LGSN: variants seen among roughly 807,000 people sequenced by gnomAD.
LGSN encodes the protein lengsin.
Under a neutral mutation model 19.5 loss-of-function variants are expected in LGSN, and 21 were observed. The ratio of observed to expected loss-of-function variants is 1.07; its 90% CI spans 0.76 to 1.55. LGSN has a LOEUF of 1.55. LGSN is among the 40% of genes most tolerant of loss of function. The pLI, the probability that LGSN is intolerant of heterozygous loss-of-function variation, is 0.00. For missense variants in LGSN, 673 were observed against 608.5 expected (o/e 1.11, Z -1.12); for synonymous variants, 257 against 215.6 (o/e 1.19, Z -1.68).
chr6:63,544,684 C>A, the LGSN span, among the ~76,000 whole-genome samples: 6 of 151,986 alleles, frequency 3.9e-5, no homozygotes, highest in African/African-American at 1.2e-4. Flanking sequence ...CCAATTATAC[C>A]AAGAATGTTT....
In LGSN at chr6:63,315,736, C is replaced by T. The variant is rs190283307; in HGVS notation, c.30+4178G>A. On this transcript the variant is annotated intron_variant, in intron 1 of 3. Coordinates refer to ENST00000370657, the MANE Select transcript of LGSN (RefSeq NM_016571.3). ...GAGGCAACTGAGGATCTGATAAATG[C>T]AGCAACTTGACTGGCTTCATAGCTA... 2.0e-4 allele frequency among the ~76,000 whole-genome samples: 30 copies of T among 150,706 alleles called. No homozygotes were observed. In the East Asian group the frequency reaches 5.3e-3, roughly 26 times the overall value.
the LGSN span, among the ~76,000 whole-genome samples, chr6:63,546,617 A>G: frequency 3.3e-5 from 5 of 152,298 alleles, no homozygotes; most frequent in East Asian, 9.7e-4. Context: ...GAGGCAGAAT[A>G]AACGCTCAAA....
the LGSN span, among the ~76,000 whole-genome samples, chr6:63,560,371 G>A: frequency 5.6e-5 from 8 of 142,052 alleles, no homozygotes; most frequent in African/African-American, 7.8e-5. Flanking sequence ...AGAAAGAAAA[G>A]AAGTGAAAAG....
the LGSN span, among the ~76,000 whole-genome samples, chr6:63,565,631 C>CA: frequency 2.0e-5 from 3 of 152,252 alleles, no homozygotes; most frequent in African/African-American, 7.2e-5. Context: ...TCTGACTCAA[C>CA]AAAACACAGT....
the LGSN span, among the ~76,000 whole-genome samples, chr6:63,399,487 C>A: frequency 6.7e-6 from 1 of 149,774 alleles, no homozygotes; most frequent in Non-Finnish European, 1.5e-5. Flanking sequence ...CTCCGCCTCC[C>A]GGGTTCAAGC....
the LGSN span, among the ~76,000 whole-genome samples, chr6:63,354,195 T>C: frequency 6.6e-6 from 1 of 151,974 alleles, no homozygotes; most frequent in Non-Finnish European, 1.5e-5. Flanking sequence ...ACCATCAATA[T>C]CATGAAAACA....
intron 1 of LGSN, among the ~76,000 whole-genome samples, chr6:63,316,003 A>G (rs1352844711): frequency 1.3e-5 from 2 of 152,120 alleles, no homozygotes; most frequent in African/African-American, 4.8e-5. Flanking sequence ...ATTTTACTTA[A>G]TATAATAAGC....
chr6:63,374,620 T>C, the LGSN span, among the ~76,000 whole-genome samples: 1 of 152,228 alleles, frequency 6.6e-6, no homozygotes, highest in Non-Finnish European at 1.5e-5. Flanking sequence ...ACTGCCACTG[T>C]AACAAATTAA....
the LGSN span, chr6:63,549,063 T>C: frequency 2.8e-6 from 2 of 719,216 alleles, no homozygotes; most frequent in Non-Finnish European, 5.1e-6. Flanking sequence ...AGCTTTCTTA[T>C]TCTCTAGCAA....
At chr6:63,444,777 A>G in the LGSN span, among the ~76,000 whole-genome samples, 6 of 152,166 alleles carry the variant, frequency 3.9e-5, no homozygotes, top group African/African-American at 1.2e-4. Context: ...CCCTGAGAAG[A>G]ATCTGGTTGA....
At chr6:63,525,957 G>T in the LGSN span, among the ~76,000 whole-genome samples, 3 of 152,170 alleles carry the variant, frequency 2.0e-5, no homozygotes, top group African/African-American at 4.8e-5. Context: ...ATTGTCAATT[G>T]TTTAAACCTT....
the LGSN span, among the ~76,000 whole-genome samples, chr6:63,539,098 G>T: frequency 6.6e-6 from 1 of 151,890 alleles, no homozygotes; most frequent in African/African-American, 2.4e-5. Context: ...TCACCATGTT[G>T]GCCCATGCTG....
the LGSN span, among the ~76,000 whole-genome samples, chr6:63,476,095 T>C: frequency 6.6e-6 from 1 of 152,216 alleles, no homozygotes; most frequent in East Asian, 1.9e-4. Flanking sequence ...TTGTTTTGTT[T>C]TTTGGTTTTT....
chr6:63,377,901 G>A, the LGSN span, among the ~76,000 whole-genome samples: 2 of 119,278 alleles, frequency 1.7e-5, no homozygotes, highest in Non-Finnish European at 3.2e-5. Flanking sequence ...GCGACAGAGA[G>A]AGACTCCATC....
At chr6:63,548,429 G>T in the LGSN span, among the ~76,000 whole-genome samples, 1 of 152,162 alleles carries the variant, frequency 6.6e-6, no homozygotes, top group Non-Finnish European at 1.5e-5. Flanking sequence ...GCTACTCACA[G>T]CAGTATTTAT....
the LGSN span, among the ~76,000 whole-genome samples, chr6:63,525,357 G>A: frequency 6.6e-6 from 1 of 152,134 alleles, no homozygotes; most frequent in African/African-American, 2.4e-5. Flanking sequence ...TCTGCCAATG[G>A]GGGAGCTAGA....
At chr6:63,390,152 C>A in the LGSN span, among the ~76,000 whole-genome samples, 1 of 87,544 alleles carries the variant, frequency 1.1e-5, no homozygotes, top group Non-Finnish European at 2.0e-5. Context: ...TTTTTTGAGG[C>A]AGAGTCTCGC....
chr6:63,540,959 C>A, the LGSN span, among the ~76,000 whole-genome samples: 1 of 148,034 alleles, frequency 6.8e-6, no homozygotes, highest in Non-Finnish European at 1.5e-5. Flanking sequence ...GCCAAGATCA[C>A]GCCAGTGCAC....
intron 2 of LGSN, among the ~76,000 whole-genome samples, chr6:63,293,016 G>A (rs541678921): frequency 6.6e-6 from 1 of 152,006 alleles, no homozygotes; most frequent in Non-Finnish European, 1.5e-5. Flanking sequence ...TTTTCAGAGT[G>A]GGGTAGGGGG....
Sources: gnomAD v4.1 joint callset for allele counts (sites outside exome capture counted in the v4.1 genomes callset) on GRCh38, gnomAD v4.1.1 for gene constraint, MANE v1.5 for transcripts, NCBI Gene and HGNC (gene_info 2026-07-23, HGNC 2026-07-21) for gene names.